The following STS variants were observed in gnomAD, a reference collection of about 807,000 sequenced individuals.
The protein encoded by STS is steroid sulfatase, also known as steryl-sulfatase.
STS carries 7 observed loss-of-function variants against 26.8 expected under a neutral mutation model. The ratio of observed to expected loss-of-function variants is 0.26; its 90% CI spans 0.15 to 0.49. STS has a LOEUF of 0.49. STS is among the 20% of genes least tolerant of loss of function. The pLI is 0.98. For missense variants in STS, 434 were observed against 465.6 expected, an observed-to-expected ratio of 0.93 and a Z score of 0.63; for synonymous variants, 199 against 189.4, an observed-to-expected ratio of 1.05 and a Z score of -0.42.
At chrX:7,210,481 A>G (rs1165027265) in intron 2 of STS, among the ~76,000 whole-genome samples, 1 of 107,535 alleles carries the variant, frequency 9.3e-6, no homozygotes, top group Non-Finnish European at 1.9e-5. Flanking sequence ...TTTATTTTAA[A>G]TAAATTTTTA....
chrX:7,201,349 T>C (rs1934069595), intron 2 of STS, among the ~76,000 whole-genome samples: 1 of 112,091 alleles, frequency 8.9e-6, no homozygotes, highest in Non-Finnish European at 1.9e-5. Flanking sequence ...TTAAATTTTC[T>C]GAATCAACAA....
intron 1 of STS, among the ~76,000 whole-genome samples, chrX:7,159,855 C>T (rs1416789624): frequency 8.9e-6 from 1 of 111,965 alleles, no homozygotes; most frequent in East Asian, 2.8e-4. Context: ...GCTGATTACT[C>T]AGTGATGACT....
chrX:7,255,019 A>G (rs972420179), intron 3 of STS, among the ~76,000 whole-genome samples: 5 of 112,535 alleles, frequency 4.4e-5, no homozygotes, highest in Non-Finnish European at 1.9e-5. Flanking sequence ...GAAATCTTGG[A>G]CAGTATATTT....
intron 2 of STS, among the ~76,000 whole-genome samples, chrX:7,216,924 G>A (rs1921332525): frequency 1.8e-5 from 2 of 111,420 alleles, no homozygotes; most frequent in African/African-American, 6.5e-5. Flanking sequence ...ACTTGATAAA[G>A]CACAGTAAGG....
chrX:7,337,742 C>A (rs12009952), intron 10 of STS, among the ~76,000 whole-genome samples: 1 of 112,055 alleles, frequency 8.9e-6, no homozygotes, highest in Non-Finnish European at 1.9e-5. Flanking sequence ...GTTTACACCA[C>A]GGCAATTGGC....
At position 7,319,979 on chromosome X, in the gene STS, TATATATATTTATA is replaced by T. The variant is rs1569224269; in HGVS notation, c.1082-5359_1082-5347del. Among the ~76,000 whole-genome samples, 11 of 86,675 alleles carry T rather than the reference TATATATATTTATA, an allele frequency of 1.3e-4. No individual in the cohort carries two copies. In the East Asian group the frequency reaches 2.8e-3, roughly 22 times the overall value. 75.3% of individuals were successfully genotyped at this position (86,675 alleles called of 115,157 possible). ...TTTATATATATATTTTATATATATG[TATATATATTTATA>T]TATATATTTTTATATATATATTTAT... is the stretch of plus-strand genomic sequence containing the variant. On this transcript the variant is annotated intron_variant, in intron 8 of 10. Coordinates refer to ENST00000674429, the MANE Select transcript of STS (RefSeq NM_001320752.2).
chrX:7,235,412 G>C (rs756963091), intron 2 of STS, among the ~76,000 whole-genome samples: 4 of 111,998 alleles, frequency 3.6e-5, no homozygotes, highest in Non-Finnish European at 7.5e-5. Flanking sequence ...ATTAATTCCA[G>C]TTGCCTTGGT....
At chrX:7,210,414 C>T (rs779475783) in intron 2 of STS, among the ~76,000 whole-genome samples, 7 of 107,501 alleles carry the variant, frequency 6.5e-5, no homozygotes, top group South Asian at 3.9e-4. Flanking sequence ...TACACACACA[C>T]GTATTCATAG....
chrX:7,198,063 AC>A (rs752263271), intron 2 of STS, among the ~76,000 whole-genome samples: 2,685 of 111,302 alleles, frequency 0.024, 51 homozygotes, highest in African/African-American at 0.053. Flanking sequence ...ATGATCTGTA[AC>A]CCCCCCAATG....
chrX:7,217,957 T>C (rs755697397), intron 2 of STS, among the ~76,000 whole-genome samples: 13 of 112,179 alleles, frequency 1.2e-4, no homozygotes, highest in African/African-American at 4.2e-4. Context: ...TAAAACATTT[T>C]GTGAGCCCCT....
chrX:7,248,127 T>C (rs1922974578), intron 2 of STS, among the ~76,000 whole-genome samples: 1 of 112,351 alleles, frequency 8.9e-6, no homozygotes, highest in Non-Finnish European at 1.9e-5. Context: ...TAATTATGTA[T>C]ATTCTATCAT....
At chrX:7,190,170 G>T (rs1371991573) in intron 1 of STS, among the ~76,000 whole-genome samples, 1 of 109,688 alleles carries the variant, frequency 9.1e-6, no homozygotes, top group African/African-American at 3.3e-5. Flanking sequence ...GGAATCATTG[G>T]GAGCCCTGAG....
chrX:7,183,926 C>G (rs1360000852), intron 1 of STS, among the ~76,000 whole-genome samples: 1 of 111,015 alleles, frequency 9.0e-6, no homozygotes, highest in Non-Finnish European at 1.9e-5. Flanking sequence ...CACTTGAACC[C>G]AGGAGGTGGA....
intron 2 of STS, among the ~76,000 whole-genome samples, chrX:7,210,352 G>C (rs1228688726): frequency 1.8e-5 from 2 of 110,003 alleles, no homozygotes; most frequent in African/African-American, 6.6e-5. Context: ...TTGTGGTTTT[G>C]ATTTGCATTT....
At chrX:7,330,628 A>G (rs981556526) in intron 9 of STS, among the ~76,000 whole-genome samples, 9 of 112,546 alleles carry the variant, frequency 8.0e-5, no homozygotes, top group African/African-American at 2.6e-4. Flanking sequence ...ACTTTTGCTG[A>G]CTTACAGTTG....
intron 8 of STS, among the ~76,000 whole-genome samples, chrX:7,324,944 T>C (rs1460412731): frequency 9.0e-6 from 1 of 111,526 alleles, no homozygotes; most frequent in African/African-American, 3.3e-5. Flanking sequence ...GGCTCCAGGC[T>C]CCAGGAATTT....
chrX:7,294,024 G>A (rs1174631488), intron 7 of STS, among the ~76,000 whole-genome samples: 1 of 111,179 alleles, frequency 9.0e-6, no homozygotes, highest in Non-Finnish European at 1.9e-5. Context: ...GACCAAGGTA[G>A]GCCTGGAGAG....
intron 8 of STS, among the ~76,000 whole-genome samples, chrX:7,311,722 C>T (rs1472879526): frequency 2.7e-5 from 3 of 111,797 alleles, no homozygotes; most frequent in Non-Finnish European, 5.6e-5. Context: ...TTGTGTTGCA[C>T]ACCTGTAGTC....
intron 7 of STS, among the ~76,000 whole-genome samples, chrX:7,277,873 G>C (rs1205509531): frequency 1.8e-5 from 2 of 112,218 alleles, no homozygotes; most frequent in East Asian, 5.5e-4. Context: ...TAAATCAGTA[G>C]AATATTTTCT....
Sources: gnomAD v4.1 joint callset for allele counts (sites outside exome capture counted in the v4.1 genomes callset) on GRCh38, gnomAD v4.1.1 for gene constraint, MANE v1.5 for transcripts, NCBI Gene and HGNC (gene_info 2026-07-23, HGNC 2026-07-21) for gene names.